The following GRID2 variants were observed in gnomAD, a reference collection of about 807,000 sequenced individuals.
GRID2 encodes glutamate receptor ionotropic, delta-2.
In GRID2, 33 loss-of-function variants were observed where a neutral mutation model predicts 114.8. That is an observed-to-expected ratio of 0.29 (90% CI 0.22 to 0.38). GRID2 has a LOEUF of 0.38. GRID2 is among the 10% of genes least tolerant of loss of function. The probability of loss-of-function intolerance (pLI) is 1.00; values close to 1 mark genes in which losing one functional copy is unlikely to be tolerated. For synonymous variants in GRID2, 505 were observed against 449.9 expected (o/e 1.12, Z -1.55); for missense variants, 1,184 against 1,257.7 (o/e 0.94, Z 0.89).
At chr4:93,630,762 G>A (rs1158010958) in intron 14 of GRID2, among the ~76,000 whole-genome samples, 1 of 152,064 alleles carries the variant, frequency 6.6e-6, no homozygotes, top group Non-Finnish European at 1.5e-5. Context: ...CTTTCTGACA[G>A]GGATGAAAGT....
intron 1 of GRID2, among the ~76,000 whole-genome samples, chr4:92,397,602 A>G (rs1730563044): frequency 6.6e-6 from 1 of 152,176 alleles, no homozygotes; most frequent in Admixed American, 6.6e-5. Context: ...ATTATAGCAT[A>G]AAACAACTAT....
chr4:92,860,263 C>G (rs1299897722), intron 2 of GRID2, among the ~76,000 whole-genome samples: 1 of 152,066 alleles, frequency 6.6e-6, no homozygotes, highest in East Asian at 1.9e-4. Flanking sequence ...GTCCACCTAA[C>G]AATTTTGCTG....
chr4:93,390,386 A>G (rs1261313111), intron 8 of GRID2, among the ~76,000 whole-genome samples: 1 of 152,214 alleles, frequency 6.6e-6, no homozygotes, highest in African/African-American at 2.4e-5. Context: ...ATTATATAGG[A>G]AAAATAATAA....
intron 1 of GRID2, among the ~76,000 whole-genome samples, chr4:92,340,022 T>C (rs1176476328): frequency 6.6e-6 from 1 of 152,104 alleles, no homozygotes; most frequent in Non-Finnish European, 1.5e-5. Context: ...TGGGAAAAAA[T>C]ATTGTATATT....
chr4:93,365,330 A>T (rs1762238784), intron 8 of GRID2, among the ~76,000 whole-genome samples: 1 of 152,148 alleles, frequency 6.6e-6, no homozygotes, highest in African/African-American at 2.4e-5. Flanking sequence ...CATTTAGTTA[A>T]GTTCAGTTTT....
chr4:92,888,346 G>A (rs1398911969), intron 2 of GRID2, among the ~76,000 whole-genome samples: 2 of 152,064 alleles, frequency 1.3e-5, no homozygotes, highest in South Asian at 4.1e-4. Context: ...TAGTAAGAAA[G>A]TAATTATTTA....
chr4:92,802,811 T>C (rs1172655220), intron 2 of GRID2, among the ~76,000 whole-genome samples: 5 of 151,938 alleles, frequency 3.3e-5, no homozygotes, highest in African/African-American at 9.7e-5. Flanking sequence ...ATGTTGCTGA[T>C]TGTGTTATTA....
intron 12 of GRID2, among the ~76,000 whole-genome samples, chr4:93,511,023 G>A (rs963032721): frequency 1.3e-5 from 2 of 151,966 alleles, no homozygotes; most frequent in African/African-American, 4.8e-5. Flanking sequence ...TGCAACCTCC[G>A]CCTTCTGGGT....
chr4:92,617,252 G>A (rs1389304870), intron 2 of GRID2, among the ~76,000 whole-genome samples: 1 of 150,980 alleles, frequency 6.6e-6, no homozygotes, highest in African/African-American at 2.4e-5. Flanking sequence ...TGCAAGTACA[G>A]ATTGTGCAGG....
intron 8 of GRID2, among the ~76,000 whole-genome samples, chr4:93,245,529 C>G (rs1321910277): frequency 2.6e-5 from 4 of 152,180 alleles, no homozygotes. Flanking sequence ...TTATTCCAAG[C>G]AAAATGGAAA....
chr4:92,924,786 A>G (rs1310659948), intron 2 of GRID2, among the ~76,000 whole-genome samples: 2 of 152,118 alleles, frequency 1.3e-5, no homozygotes, highest in African/African-American at 4.8e-5. Context: ...TTTAACACTG[A>G]TTAAAATACT....
chr4:92,504,564 C>T (rs17019413), intron 1 of GRID2, among the ~76,000 whole-genome samples: 2,989 of 152,068 alleles, frequency 0.02, 105 homozygotes, highest in African/African-American at 0.069. Context: ...AATAGGAAAT[C>T]TTTTTCTTTC....
intron 1 of GRID2, among the ~76,000 whole-genome samples, chr4:92,587,098 CTGTGTGTG>C (rs70942914): frequency 1.9e-3 from 255 of 133,838 alleles, no homozygotes; most frequent in African/African-American, 4.9e-3. Flanking sequence ...TGATGAAATG[CTGTGTGTG>C]TGTGTGTGTG....
intron 2 of GRID2, among the ~76,000 whole-genome samples, chr4:93,059,748 T>C (rs1010732040): frequency 6.6e-6 from 1 of 152,026 alleles, no homozygotes; most frequent in Non-Finnish European, 1.5e-5. Flanking sequence ...AAATGAAACA[T>C]AATTCTATTA....
intron 1 of GRID2, among the ~76,000 whole-genome samples, chr4:92,407,360 C>G (rs1731080164): frequency 6.6e-6 from 1 of 152,122 alleles, no homozygotes; most frequent in Non-Finnish European, 1.5e-5. Flanking sequence ...GATTCCATGT[C>G]CTTGCTATTG....
intron 1 of GRID2, among the ~76,000 whole-genome samples, chr4:92,580,156 C>T (rs933559820): frequency 1.3e-5 from 2 of 150,874 alleles, no homozygotes; most frequent in Admixed American, 6.6e-5. Flanking sequence ...GTCTCCTTTA[C>T]AGTTGTCTAG....
chr4:92,510,436 G>A (rs551833741), intron 1 of GRID2, among the ~76,000 whole-genome samples: 12 of 151,838 alleles, frequency 7.9e-5, no homozygotes, highest in Non-Finnish European at 1.3e-4. Context: ...GCTAAGAAGT[G>A]TCCAGGCTAG....
At chr4:93,334,266 T>A (rs1758800502) in intron 8 of GRID2, among the ~76,000 whole-genome samples, 1 of 152,152 alleles carries the variant, frequency 6.6e-6, no homozygotes, top group African/African-American at 2.4e-5. Flanking sequence ...GCATGCAAAT[T>A]ATTAATGCCC....
intron 8 of GRID2, among the ~76,000 whole-genome samples, chr4:93,315,693 G>A (rs1756505453): frequency 6.6e-6 from 1 of 151,984 alleles, no homozygotes; most frequent in South Asian, 2.1e-4. Context: ...AAATATTTAT[G>A]GAATGAATGA....
Sources: gnomAD v4.1 joint callset for allele counts (sites outside exome capture counted in the v4.1 genomes callset) on GRCh38, gnomAD v4.1.1 for gene constraint, MANE v1.5 for transcripts, NCBI Gene and HGNC (gene_info 2026-07-23, HGNC 2026-07-21) for gene names.